Variants in PARP16 observed in about 807,000 individuals in gnomAD.
PARP16 encodes poly(ADP-ribose) polymerase family member 16.
A neutral mutation model predicts 35.0 loss-of-function variants in PARP16; 31 were observed. That is an observed-to-expected ratio of 0.88 (90% CI 0.66 to 1.19). The LOEUF is 1.19. Among genes scored for constraint, PARP16 ranks in the 50% most tolerant of loss-of-function variants. The pLI is 0.00. For synonymous variants in PARP16, 162 were observed against 169.5 expected (o/e 0.96, Z 0.34); for missense variants, 424 against 411.2 (o/e 1.03, Z -0.27).
chr15:65,247,493 C>CCCT (rs1247604293), intron 3 of PARP16, among the ~76,000 whole-genome samples: 8 of 152,192 alleles, frequency 5.3e-5, no homozygotes, highest in African/African-American at 1.9e-4. Flanking sequence ...GAATCAATCA[C>CCCT]CCTCCTTCTG....
rs1279909785 is a variant in PARP16, at chr15:65,266,754, T to C, written c.327A>G (p.Gln109=). 22 of 1,613,578 alleles carry C rather than the reference T, an allele frequency of 1.4e-5. No individual in the cohort carries two copies. The highest frequency in any genetic ancestry group is 1.6e-4 in the Middle Eastern group (1 of 6,084). ...SAGKAEFEKI[Q]KLTGAPHTPV... ...GCGTGTGAGGAGCCCCAGTCAGCTT[T>C]TGGATCTTTTCAAACTTGAAAACAT... is the stretch of plus-strand genomic sequence containing the variant. Residue 109 remains glutamine (Q), a synonymous_variant, in exon 3 of 6, where the codon CAA becomes CAG. Coordinates refer to ENST00000649807, the MANE Select transcript of PARP16 (RefSeq NM_001316943.2).
At chr15:65,257,862 G>A (rs894552475), downstream of PARP16, among the ~76,000 whole-genome samples, 8 of 152,146 alleles carry the variant, frequency 5.3e-5, no homozygotes, top group African/African-American at 1.7e-4. Flanking sequence ...GTGAAAGCAG[G>A]GGCTTTCTGA....
At chr15:65,235,122 G>A (rs1469864978) in intron 3 of PARP16, among the ~76,000 whole-genome samples, 2 of 151,856 alleles carry the variant, frequency 1.3e-5, no homozygotes, top group Admixed American at 6.6e-5. Context: ...TTGTGCAAAC[G>A]TACCCTAGAA....
intron 1 of PARP16, among the ~76,000 whole-genome samples, chr15:65,284,395 T>C (rs962611239): frequency 3.0e-5 from 4 of 131,398 alleles, no homozygotes; most frequent in African/African-American, 1.1e-4. Flanking sequence ...CAGGCTGGAG[T>C]GCAGTGGGGC....
chr15:65,245,989 G>A (rs1051558798), intron 3 of PARP16, among the ~76,000 whole-genome samples: 3 of 152,124 alleles, frequency 2.0e-5, no homozygotes, highest in African/African-American at 7.2e-5. Flanking sequence ...TGCAGTTTAA[G>A]TTACTCCCAT....
intron 3 of PARP16, among the ~76,000 whole-genome samples, chr15:65,239,424 T>TAAAAAAAAAAAAAAAAAAAA: frequency 1.4e-4 from 1 of 6,960 alleles, no homozygotes; most frequent in Non-Finnish European, 2.2e-4. Flanking sequence ...AGACTTTGCC[T>TAAAAAAAAAAAAAAAAAAAA]AAAAAAAAAA....
intron 2 of PARP16, among the ~76,000 whole-genome samples, chr15:65,249,287 T>G (rs1477629374): frequency 2.6e-5 from 4 of 152,218 alleles, no homozygotes; most frequent in Non-Finnish European, 4.4e-5. Context: ...CTAGCTGGAA[T>G]GGTGTGGGAA....
chr15:65,250,330 C>G (rs569184981), intron 2 of PARP16, among the ~76,000 whole-genome samples: 90 of 151,704 alleles, frequency 5.9e-4, no homozygotes, highest in Non-Finnish European at 1.2e-3. Flanking sequence ...GTTGGCCAGG[C>G]TGGTCTCGAA....
chr15:65,231,764 TA>T (rs1253258139), downstream of PARP16, among the ~76,000 whole-genome samples: 1 of 152,102 alleles, frequency 6.6e-6, no homozygotes, highest in African/African-American at 2.4e-5. Flanking sequence ...TTTAAGCCCA[TA>T]AGACATTGTT....
At position 65,259,320 on chromosome 15, in the gene PARP16, C is replaced by T; in HGVS notation, c.*87G>A. 1.4e-6 allele frequency: 2 copies of T among 1,412,846 alleles called. No individual in the cohort carries two copies. Among genetic ancestry groups the T allele is most frequent in the Non-Finnish European group, 2.0e-6 (2 of 1,011,676 alleles). 87.5% of individuals were successfully genotyped at this position (1,412,846 alleles called of 1,614,324 possible). On this transcript the variant is annotated 3_prime_UTR_variant, in exon 6 of 6. Coordinates refer to ENST00000649807, the MANE Select transcript of PARP16 (RefSeq NM_001316943.2). ...TCCCCCAACTGGCCCCTAGGCTCAACCTGGCTGGACATGAGGCATAGGAGG... is the reference window on the plus strand; with the variant it reads ...TCCCCCAACTGGCCCCTAGGCTCAATCTGGCTGGACATGAGGCATAGGAGG...
At chr15:65,242,719 T>C (rs1245350661) in intron 3 of PARP16, among the ~76,000 whole-genome samples, 1 of 152,160 alleles carries the variant, frequency 6.6e-6, no homozygotes, top group Non-Finnish European at 1.5e-5. Flanking sequence ...TATTTATTTA[T>C]TTATTTATTT....
chr15:65,265,682 C>G (rs1271725714), intron 3 of PARP16, among the ~76,000 whole-genome samples: 1 of 152,152 alleles, frequency 6.6e-6, no homozygotes, highest in African/African-American at 2.4e-5. Context: ...ATACAGATCA[C>G]CTGGGGACCT....
chr15:65,234,182 T>C (rs1387301469), downstream of PARP16, among the ~76,000 whole-genome samples: 1 of 152,220 alleles, frequency 6.6e-6, no homozygotes, highest in Non-Finnish European at 1.5e-5. Flanking sequence ...AATAAGAATG[T>C]TGCCCAGGTT....
At chr15:65,241,420 C>T (rs540657095) in intron 3 of PARP16, among the ~76,000 whole-genome samples, 1 of 152,324 alleles carries the variant, frequency 6.6e-6, no homozygotes, top group South Asian at 2.1e-4. Flanking sequence ...GGATTACAAG[C>T]ATGAACCACC....
intron 1 of PARP16, among the ~76,000 whole-genome samples, chr15:65,271,351 G>GGTT (rs1322660586): frequency 6.6e-6 from 1 of 151,978 alleles, no homozygotes. Flanking sequence ...TTGGCTCACT[G>GGTT]CAGCCTCTGC....
At chr15:65,275,895 C>T (rs1187437922) in intron 1 of PARP16, among the ~76,000 whole-genome samples, 2 of 152,198 alleles carry the variant, frequency 1.3e-5, no homozygotes, top group East Asian at 1.9e-4. Flanking sequence ...ATTCCCATCA[C>T]TCGTGTCCTC....
rs141514462 is a variant in PARP16, at chr15:65,259,222, T to C, written c.*185A>G. 1.2e-3 allele frequency: 794 copies of C among 649,044 alleles called. 1 individual carries two copies. Among genetic ancestry groups the C allele is most frequent in the Non-Finnish European group, 1.8e-3 (655 of 360,146 alleles). The allele number at this position is 649,044 out of a possible 1,614,324, so 40.2% of individuals were successfully genotyped here. A position where few individuals can be genotyped will look rare whatever the true frequency, so the allele number is the denominator to read the frequency against. ...AAGAGTGAGGGACTAGTAGTCCCCG[T>C]TGACTGGAGTATGGCTGGGAACATC... On this transcript the variant is annotated 3_prime_UTR_variant, in exon 6 of 6. Coordinates refer to ENST00000649807, the MANE Select transcript of PARP16 (RefSeq NM_001316943.2).
At chr15:65,248,665 G>C (rs1432551875) in intron 2 of PARP16, among the ~76,000 whole-genome samples, 1 of 152,164 alleles carries the variant, frequency 6.6e-6, no homozygotes, top group Non-Finnish European at 1.5e-5. Flanking sequence ...CTGGGAGTGA[G>C]ACATTTGTCC....
At chr15:65,239,424 T>TAAAA (rs758350761) in intron 3 of PARP16, among the ~76,000 whole-genome samples, 29 of 6,952 alleles carry the variant, frequency 4.2e-3, no homozygotes, top group East Asian at 0.026. Context: ...AGACTTTGCC[T>TAAAA]AAAAAAAAAA....
Sources: allele counts gnomAD v4.1 joint callset (sites outside exome capture counted in the v4.1 genomes callset), GRCh38; gene constraint gnomAD v4.1.1; transcripts MANE v1.5; gene names NCBI Gene and HGNC (gene_info 2026-07-23, HGNC 2026-07-21).